ADARB2: variants seen among roughly 807,000 people sequenced by gnomAD.
The protein encoded by ADARB2 is inactive double-stranded RNA-specific editase B2.
Under a neutral mutation model 62.2 loss-of-function variants are expected in ADARB2, and 25 were observed. The ratio of observed to expected loss-of-function variants is 0.40; its 90% CI spans 0.29 to 0.56. The LOEUF (loss-of-function observed/expected upper bound fraction) is 0.56. ADARB2 is among the 20% of genes least tolerant of loss of function. The pLI is 0.43. For missense variants in ADARB2, 1,071 were observed against 1,077.4 expected (o/e 0.99, Z 0.08); for synonymous variants, 572 against 500.8 (o/e 1.14, Z -1.90).
At chr10:1,593,294 CT>C (rs1486312074) in intron 1 of ADARB2, among the ~76,000 whole-genome samples, 1 of 147,706 alleles carries the variant, frequency 6.8e-6, no homozygotes, top group Non-Finnish European at 1.5e-5. Flanking sequence ...CATAGGTCTC[CT>C]CTCTGGCATG....
chr10:1,505,483 T>C (rs1831833256), intron 1 of ADARB2, among the ~76,000 whole-genome samples: 1 of 152,066 alleles, frequency 6.6e-6, no homozygotes, highest in South Asian at 2.1e-4. Flanking sequence ...ATGATTTCTC[T>C]AAGGTGTCGT....
At chr10:1,303,532 A>G (rs1159805426) in intron 3 of ADARB2, among the ~76,000 whole-genome samples, 1 of 152,180 alleles carries the variant, frequency 6.6e-6, no homozygotes, top group African/African-American at 2.4e-5. Flanking sequence ...AGAGAATGCC[A>G]CAAAGATACT....
chr10:1,511,180 G>A (rs1261275961), intron 1 of ADARB2, among the ~76,000 whole-genome samples: 1 of 152,062 alleles, frequency 6.6e-6, no homozygotes, highest in Non-Finnish European at 1.5e-5. Context: ...TTATTTTTGT[G>A]CTGCTGGGGT....
In ADARB2 at chr10:1,179,536, G is replaced by GC. The variant is rs1302548840; in HGVS notation, c.*3656dup. The GC allele has an allele frequency of 6.6e-6, 1 of 152,236 alleles. No homozygotes were observed. Among genetic ancestry groups the GC allele is most frequent in the African/African-American group, 2.4e-5 (1 of 41,464 alleles). 9.4% of individuals were successfully genotyped at this position (152,236 alleles called of 1,614,324 possible). A position where few individuals can be genotyped will look rare whatever the true frequency, so the allele number is the denominator to read the frequency against. ...TGGACAGCGGAGGCTGCCTGGCCGC[G>GC]CAGCCGTTCCCTGCGCCCCGTCCTG... On this transcript the variant is annotated 3_prime_UTR_variant, in exon 10 of 10. Coordinates refer to ENST00000381312, the MANE Select transcript of ADARB2 (RefSeq NM_018702.4).
At chr10:1,694,494 C>T (rs1465739148) in intron 1 of ADARB2, among the ~76,000 whole-genome samples, 5 of 151,916 alleles carry the variant, frequency 3.3e-5, no homozygotes, top group African/African-American at 1.2e-4. Context: ...ACTGTACATG[C>T]ACGACCCACA....
intron 1 of ADARB2, among the ~76,000 whole-genome samples, chr10:1,509,392 T>C (rs375946645): frequency 6.6e-6 from 1 of 152,222 alleles, no homozygotes; most frequent in South Asian, 2.1e-4. Flanking sequence ...GCTTTCTCAC[T>C]ATTAACTAAT....
chr10:1,442,502 C>T (rs1305566107), intron 1 of ADARB2, among the ~76,000 whole-genome samples: 3 of 152,208 alleles, frequency 2.0e-5, no homozygotes, highest in Non-Finnish European at 4.4e-5. Context: ...AACATCCACA[C>T]ACAAAATAGA....
intron 5 of ADARB2, among the ~76,000 whole-genome samples, chr10:1,234,830 C>T (rs1462225844): frequency 7.1e-6 from 1 of 140,532 alleles, no homozygotes; most frequent in Non-Finnish European, 1.5e-5. Context: ...CTCACTGCAA[C>T]CTCTGCCTCC....
intron 1 of ADARB2, among the ~76,000 whole-genome samples, chr10:1,493,821 C>T (rs569376027): frequency 3.0e-5 from 4 of 134,314 alleles, no homozygotes; most frequent in Non-Finnish European, 4.6e-5. Context: ...TGCAATGGCA[C>T]GATCTCAGCT....
At chr10:1,548,753 C>A (rs1832565333) in intron 1 of ADARB2, among the ~76,000 whole-genome samples, 1 of 152,226 alleles carries the variant, frequency 6.6e-6, no homozygotes, top group Non-Finnish European at 1.5e-5. Context: ...ACAGAAACTA[C>A]ATGGAACCTA....
intron 1 of ADARB2, among the ~76,000 whole-genome samples, chr10:1,531,441 T>C (rs1348909688): frequency 1.3e-5 from 2 of 152,182 alleles, no homozygotes; most frequent in Non-Finnish European, 2.9e-5. Context: ...AGCCCCCAAA[T>C]GGATACCAAT....
intron 1 of ADARB2, among the ~76,000 whole-genome samples, chr10:1,647,358 T>C (rs1476929979): frequency 1.3e-5 from 2 of 152,248 alleles, no homozygotes; most frequent in Non-Finnish European, 2.9e-5. Flanking sequence ...TATATGTGTG[T>C]GTGCACACGT....
At chr10:1,499,124 T>C (rs999424133) in intron 1 of ADARB2, among the ~76,000 whole-genome samples, 1 of 151,684 alleles carries the variant, frequency 6.6e-6, no homozygotes, top group Non-Finnish European at 1.5e-5. Context: ...TCAACACTTA[T>C]TCATCACTCA....
intron 4 of ADARB2, among the ~76,000 whole-genome samples, chr10:1,244,350 T>G (rs1156688050): frequency 1.3e-5 from 2 of 152,260 alleles, no homozygotes; most frequent in Non-Finnish European, 2.9e-5. Flanking sequence ...AGTTTCAGTG[T>G]TCACGACCGG....
chr10:1,267,524 G>T (rs187981955), intron 4 of ADARB2, among the ~76,000 whole-genome samples: 11 of 152,334 alleles, frequency 7.2e-5, no homozygotes, highest in Admixed American at 7.2e-4. Context: ...AGTTCTCTGG[G>T]AGAGAGGCAG....
intron 1 of ADARB2, among the ~76,000 whole-genome samples, chr10:1,506,882 G>T (rs1030764312): frequency 6.6e-6 from 1 of 152,320 alleles, no homozygotes; most frequent in Non-Finnish European, 1.5e-5. Context: ...TGAGGGCCCT[G>T]GTTTCGTCCC....
At chr10:1,548,242 C>T (rs1428534413) in intron 1 of ADARB2, among the ~76,000 whole-genome samples, 1 of 152,168 alleles carries the variant, frequency 6.6e-6, no homozygotes, top group Non-Finnish European at 1.5e-5. Context: ...TAAGCCCATT[C>T]CCGCAACTCA....
At chr10:1,720,639 C>T (rs998897620) in intron 1 of ADARB2, among the ~76,000 whole-genome samples, 12 of 152,072 alleles carry the variant, frequency 7.9e-5, no homozygotes, top group Admixed American at 5.2e-4. Context: ...GCAGAGTAAT[C>T]GGTATTGTCT....
At chr10:1,341,853 C>T (rs2131839341) in intron 3 of ADARB2, among the ~76,000 whole-genome samples, 1 of 152,328 alleles carries the variant, frequency 6.6e-6, no homozygotes. Flanking sequence ...AACCAACTGC[C>T]CCACAGCAGC....
Sources: allele counts gnomAD v4.1 joint callset (sites outside exome capture counted in the v4.1 genomes callset), GRCh38; gene constraint gnomAD v4.1.1; transcripts MANE v1.5; gene names NCBI Gene and HGNC (gene_info 2026-07-23, HGNC 2026-07-21).